Variants in DOCK3 observed in about 807,000 individuals in gnomAD.
DOCK3 encodes dedicator of cytokinesis 3.
In DOCK3, 60 loss-of-function variants were observed where a neutral mutation model predicts 265.6. The ratio of observed to expected loss-of-function variants is 0.23; its 90% confidence interval spans 0.18 to 0.28. The LOEUF is 0.28. Ranked by LOEUF, DOCK3 falls within the 10% of genes least tolerant of loss-of-function variation. The pLI, the probability that DOCK3 is intolerant of heterozygous loss-of-function variation, is 1.00. For missense variants in DOCK3, 1,981 were observed against 2,594.3 expected, an observed-to-expected ratio of 0.76 and a Z score of 5.14; for synonymous variants, 881 against 938.0, an observed-to-expected ratio of 0.94 and a Z score of 1.11.
At chr3:51,164,603 G>A (rs913784969) in intron 12 of DOCK3, among the ~76,000 whole-genome samples, 3 of 121,982 alleles carry the variant, frequency 2.5e-5, no homozygotes, top group African/African-American at 1.0e-4. Flanking sequence ...CAGCCTAGGT[G>A]ACAGAGCGAG....
At chr3:50,745,060 T>C (rs1479334918) in intron 1 of DOCK3, among the ~76,000 whole-genome samples, 2 of 152,194 alleles carry the variant, frequency 1.3e-5, no homozygotes, top group Non-Finnish European at 2.9e-5. Flanking sequence ...AGCTTCCATA[T>C]TAAATTTAGG....
At chr3:51,102,017 A>G (rs527295002) in intron 9 of DOCK3, among the ~76,000 whole-genome samples, 20 of 152,364 alleles carry the variant, frequency 1.3e-4, no homozygotes, top group African/African-American at 4.8e-4. Flanking sequence ...TCTTTTAAAA[A>G]GTTTTGTTGT....
chr3:50,880,532 A>G (rs537276617), intron 3 of DOCK3: 2 of 199,006 alleles, frequency 1.0e-5, no homozygotes, highest in South Asian at 6.8e-5. Context: ...TCTAGAAGAA[A>G]TGGATAAATT....
chr3:50,808,660 G>T (rs1043093474), intron 2 of DOCK3, among the ~76,000 whole-genome samples: 1 of 152,134 alleles, frequency 6.6e-6, no homozygotes, highest in South Asian at 2.1e-4. Flanking sequence ...TCACCAGCAG[G>T]CTCCATGTTC....
chr3:51,189,555 C>CT (rs1331319406), intron 12 of DOCK3, among the ~76,000 whole-genome samples: 1 of 152,156 alleles, frequency 6.6e-6, no homozygotes, highest in East Asian at 1.9e-4. Flanking sequence ...ACAATAAGGG[C>CT]TTTAGCTCTA....
chr3:51,272,480 G>A (rs1354351001), intron 24 of DOCK3, among the ~76,000 whole-genome samples: 5 of 149,980 alleles, frequency 3.3e-5, no homozygotes, highest in African/African-American at 9.8e-5. Context: ...GTAGAGACGG[G>A]GTTTCACCAT....
In DOCK3 at chr3:50,944,242, C is replaced by T. The variant is rs528717450; in HGVS notation, c.315+10165C>T. ...ACTGAGGCAGTTAAAACCATAATCT[C>T]TGTATCCAGTAATCTTGTTTTGATG... is the stretch of plus-strand genomic sequence containing the variant. On this transcript the variant is annotated intron_variant, in intron 5 of 52. Coordinates refer to ENST00000266037, the MANE Select transcript of DOCK3 (RefSeq NM_004947.5). Among the ~76,000 whole-genome samples, 7 of 152,270 alleles carry T rather than the reference C, an allele frequency of 4.6e-5. 2 individuals are homozygous for T. The highest frequency in any genetic ancestry group is 1.7e-4 in the African/African-American group (7 of 41,568).
At chr3:51,278,049 T>C (rs1337987425) in intron 26 of DOCK3, 13 of 985,294 alleles carry the variant, frequency 1.3e-5, no homozygotes, top group African/African-American at 3.5e-5. Flanking sequence ...AGCTGGGATG[T>C]ATGTAAGATG....
At chr3:50,778,316 A>G (rs982891436) in intron 1 of DOCK3, among the ~76,000 whole-genome samples, 2 of 152,150 alleles carry the variant, frequency 1.3e-5, no homozygotes, top group African/African-American at 4.8e-5. Context: ...TGTGGTAGAT[A>G]AGAAGCTCCT....
intron 1 of DOCK3, among the ~76,000 whole-genome samples, chr3:50,728,755 C>G (rs533458132): frequency 4.1e-5 from 6 of 147,358 alleles, no homozygotes; most frequent in Non-Finnish European, 8.9e-5. Context: ...TGGATTCTTG[C>G]TCTGTTGCCC....
At chr3:50,877,056 A>C (rs1165788011) in intron 3 of DOCK3, 1 of 178,932 alleles carries the variant, frequency 5.6e-6, no homozygotes, top group Non-Finnish European at 1.2e-5. Flanking sequence ...AAAAGATTGA[A>C]CACTCCTGCT....
chr3:51,270,212 T>TTCCCATCCTCTTGAATTTAC (rs2080425476), intron 23 of DOCK3, among the ~76,000 whole-genome samples: 2 of 152,204 alleles, frequency 1.3e-5, no homozygotes, highest in African/African-American at 4.8e-5. Context: ...ATACACACAT[T>TTCCCATCCTCTTGAATTTAC]TCCCATCCTC....
At chr3:51,041,214 T>A (rs1393648182) in intron 5 of DOCK3, among the ~76,000 whole-genome samples, 5 of 72,376 alleles carry the variant, frequency 6.9e-5, no homozygotes, top group East Asian at 7.4e-4. Flanking sequence ...ATTTTTTTTT[T>A]TTTTTTTTTT....
rs374662162 is a variant in DOCK3, at chr3:50,881,441, G to A, written c.163-8585G>A. 2.6e-5 allele frequency: 4 copies of A among 152,264 alleles called. No homozygotes were observed. The East Asian group carries it at 5.8e-4, about 22-fold the overall frequency. 9.4% of individuals were successfully genotyped at this position (152,264 alleles called of 1,614,324 possible). On this transcript the variant is annotated intron_variant, in intron 3 of 52. Transcript: ENST00000266037. Reference sequence around the variant, plus strand: ...CAAAGTCTCAGGATACAAAATCAATGTGCAAAAATCACAAGCATTCCTGTA... The same window carrying A: ...CAAAGTCTCAGGATACAAAATCAATATGCAAAAATCACAAGCATTCCTGTA...
At chr3:51,321,258 A>G (rs2083705976) in intron 32 of DOCK3, among the ~76,000 whole-genome samples, 1 of 152,256 alleles carries the variant, frequency 6.6e-6, no homozygotes, top group South Asian at 2.1e-4. Flanking sequence ...AGAAAAACTA[A>G]CAAACAGAAA....
chr3:51,049,829 C>CACACACACACACACACACA (rs377417609), intron 5 of DOCK3, among the ~76,000 whole-genome samples: 2 of 144,354 alleles, frequency 1.4e-5, no homozygotes, highest in Non-Finnish European at 3.0e-5. Flanking sequence ...ACACACACAC[C>CACACACACACACACACACA]CCAAAAAAAC....
chr3:50,828,620 G>A (rs1437568426), intron 2 of DOCK3, among the ~76,000 whole-genome samples: 1 of 151,832 alleles, frequency 6.6e-6, no homozygotes, highest in Non-Finnish European at 1.5e-5. Context: ...GTCCAGGCTG[G>A]TCTCAAACTC....
intron 5 of DOCK3, among the ~76,000 whole-genome samples, chr3:51,057,900 T>C (rs1487301610): frequency 6.6e-6 from 1 of 152,222 alleles, no homozygotes; most frequent in Non-Finnish European, 1.5e-5. Flanking sequence ...TGGAAACAAC[T>C]GATTTTCTAT....
At chr3:50,907,062 G>A (rs1036290828) in intron 4 of DOCK3, among the ~76,000 whole-genome samples, 6 of 152,004 alleles carry the variant, frequency 3.9e-5, no homozygotes, top group African/African-American at 7.3e-5. Context: ...GTAGTTGAGT[G>A]GTTTTGAGTG....
Sources: gnomAD v4.1 joint callset for allele counts (sites outside exome capture counted in the v4.1 genomes callset) on GRCh38, gnomAD v4.1.1 for gene constraint, MANE v1.5 for transcripts, NCBI Gene and HGNC (gene_info 2026-07-23, HGNC 2026-07-21) for gene names.